RNF213: variants seen among roughly 807,000 people sequenced by gnomAD.
The protein encoded by RNF213 is E3 ubiquitin-protein ligase RNF213.
Under a neutral mutation model 514.4 loss-of-function variants are expected in RNF213, and 341 were observed. The ratio of observed to expected loss-of-function variants is 0.66; its 90% confidence interval spans 0.61 to 0.73. The LOEUF is 0.73. Among genes scored for constraint, RNF213 ranks in the 30% least tolerant of loss-of-function variants. The probability of loss-of-function intolerance (pLI) is 0.00; values close to 1 mark genes in which losing one functional copy is unlikely to be tolerated. For synonymous variants in RNF213, 2,655 were observed against 2,658.2 expected, an observed-to-expected ratio of 1.00 and a Z score of 0.04; for missense variants, 5,767 against 6,615.6, an observed-to-expected ratio of 0.87 and a Z score of 4.45.
At chr17:80,301,731 TC>T (rs1374816648) in intron 11 of RNF213, among the ~76,000 whole-genome samples, 2 of 152,160 alleles carry the variant, frequency 1.3e-5, no homozygotes, top group Admixed American at 1.3e-4. Context: ...GTATAAAGGT[TC>T]CTGAAGAAAC....
Position 80,358,354 on chromosome 17 carries a change from C to T in RNF213, c.10929C>T (p.Ile3643=), listed in dbSNP as rs779196613. 151 of 1,614,044 alleles carry T rather than the reference C, an allele frequency of 9.4e-5. 3 individuals are homozygous for T. The South Asian group carries it at 1.4e-3, about 15-fold the overall frequency. The change falls in exon 37 of 68, where the codon ATC becomes ATT. Residue 3643 remains isoleucine (I), a synonymous_variant. Transcript: ENST00000582970. ...TGCTGGCGAGCATGATATCATTCATCGACAGAGACGGCAACCTAGAGTTAC... is the reference window on the plus strand; with the variant it reads ...TGCTGGCGAGCATGATATCATTCATTGACAGAGACGGCAACCTAGAGTTAC... ...TPLLASMISF[I]DRDGNLELLT...
rs199684832 is a variant in RNF213 at position 80,354,550 on chromosome 17, C to G, written c.10836C>G (p.Asp3612Glu). ...TGGCAAGGGAAGCCTGCAACCAGGA[C>G]GCTCTCCAGGAGGCGGGCACATTCA... ...EWLAREACNQDALQEAGTFRH... is the reference protein window; with the variant it reads ...EWLAREACNQEALQEAGTFRH... The change falls in exon 36 of 68, where the codon GAC becomes GAG. Residue 3612 changes from aspartate (D) to glutamate (E), a missense_variant. Physicochemically the swap from Asp to Glu is conservative, Grantham distance 45. Transcript: ENST00000582970. The G allele has an allele frequency of 3.7e-6, 6 of 1,614,074 alleles. No individual in the cohort carries two copies. Among genetic ancestry groups the G allele is most frequent in the Non-Finnish European group, 5.1e-6 (6 of 1,180,052 alleles).
intron 11 of RNF213, among the ~76,000 whole-genome samples, chr17:80,303,781 G>A (rs985336410): frequency 6.6e-6 from 1 of 151,480 alleles, no homozygotes; most frequent in Non-Finnish European, 1.5e-5. Context: ...TGTTGGCCAG[G>A]CTGGTCTTGA....
Position 80,363,782 on chromosome 17 carries a change from G to A in RNF213, c.11742G>A (p.Arg3914=), listed in dbSNP as rs530989442. The part of the protein sequence containing the change: ...GSGSLAQAVI[R]EVRAQWSRIF... ...GGAGCCTGGCCCAGGCTGTCATCAG[G>A]GAAGTCAGGTGAGACCCAGGAGCCC... Residue 3914 remains arginine (R), a synonymous_variant, in exon 41 of 68, where the codon AGG becomes AGA. Coordinates refer to ENST00000582970, the MANE Select transcript of RNF213 (RefSeq NM_001256071.3). 24 of 1,613,198 alleles carry A rather than the reference G, an allele frequency of 1.5e-5. No individual in the cohort carries two copies. The South Asian group carries it at 2.5e-4, about 17-fold the overall frequency.
At chr17:80,279,145 G>A (rs1410256703) in intron 3 of RNF213, among the ~76,000 whole-genome samples, 1 of 152,218 alleles carries the variant, frequency 6.6e-6, no homozygotes, top group African/African-American at 2.4e-5. Context: ...TATTGTGCTT[G>A]CCCTTCTGGC....
At chr17:80,273,094 C>A in intron 2 of RNF213, 147 bp from the exon 3 acceptor site, 1 of 1,044,480 alleles carries the variant, frequency 9.6e-7, no homozygotes, top group Non-Finnish European at 1.5e-6. Context: ...AGAACCCCTA[C>A]CCTGCTCATG....
chr17:80,350,779 C>T (rs900792894), intron 31 of RNF213, among the ~76,000 whole-genome samples: 1 of 152,158 alleles, frequency 6.6e-6, no homozygotes, highest in Admixed American at 6.5e-5. Flanking sequence ...AGCCTAGGGG[C>T]CAGAGCAAGA....
rs144098631 is a variant in RNF213 at position 80,346,165 on chromosome 17, C to T, written c.7830C>T (p.Asn2610=). 3.5e-3 allele frequency: 5,720 copies of T among 1,614,168 alleles called. 53 individuals are homozygous for T. The highest frequency in any genetic ancestry group is 0.024 in the Middle Eastern group (147 of 6,062). ...RLVESISLDE[N]GTRVITEVLC... is the part of the protein sequence containing the mutation. ...TTGAGTCCATCAGCCTAGATGAAAA[C>T]GGGACTCGCGTGATCACAGAAGTCC... Residue 2610 remains asparagine (N), a synonymous_variant, in exon 29 of 68, where the codon AAC becomes AAT. Coordinates refer to ENST00000582970, the MANE Select transcript of RNF213 (RefSeq NM_001256071.3). This position sits in a 1 kb window ranked among gnomAD's most constrained non-coding sequence, Gnocchi z 8.1.
chr17:80,282,070 T>C (rs1387710594), intron 3 of RNF213, among the ~76,000 whole-genome samples: 1 of 152,068 alleles, frequency 6.6e-6, no homozygotes. Context: ...TTGGCTAGGC[T>C]GGTTTCAAGC....
intron 3 of RNF213, chr17:80,278,989 C>T: frequency 6.6e-7 from 1 of 1,511,036 alleles, no homozygotes; most frequent in Non-Finnish European, 8.9e-7. Context: ...CCACCTCGCA[C>T]TTCCGGCCCT....
At position 80,264,604 on chromosome 17, in the gene RNF213, A is replaced by ACCCC. The variant is rs1172528068; in HGVS notation, c.97+827_97+830dup. On this transcript the variant is annotated intron_variant, in intron 2 of 67. Coordinates refer to ENST00000582970, the MANE Select transcript of RNF213 (RefSeq NM_001256071.3). This position sits in a 1 kb window ranked among gnomAD's most constrained non-coding sequence, Gnocchi z 5.0. ...TCCAGCTGCTTCTATCGGACCCATC[A>ACCCC]CCCCGGGGCCCTCTCCTTCCTCCAT... 6.6e-6 allele frequency among the ~76,000 whole-genome samples: 1 copy of ACCCC among 151,354 alleles called. No homozygotes were observed. Among genetic ancestry groups the ACCCC allele is most frequent in the Non-Finnish European group, 1.5e-5 (1 of 67,830 alleles).
chr17:80,287,667 C>A, intron 3 of RNF213, 148 bp from the exon 4 acceptor site: 6 of 415,202 alleles, frequency 1.4e-5, no homozygotes, highest in East Asian at 1.3e-4. Context: ...TTCATTCTTT[C>A]CAGGAAATTG....
At chr17:80,325,588 G>A (rs1454152929) in intron 18 of RNF213, among the ~76,000 whole-genome samples, 1 of 152,080 alleles carries the variant, frequency 6.6e-6, no homozygotes, top group African/African-American at 2.4e-5. Flanking sequence ...TCCAGACCCA[G>A]GTATGTCTTA....
intron 3 of RNF213, chr17:80,278,897 C>T (rs1268124744): frequency 6.5e-7 from 1 of 1,537,042 alleles, no homozygotes; most frequent in African/African-American, 1.4e-5. Flanking sequence ...GTGCCTTCTG[C>T]AGACTGTGAG....
chr17:80,274,969 G>GT (rs1555639151), intron 3 of RNF213, among the ~76,000 whole-genome samples: 1 of 55,448 alleles, frequency 1.8e-5, no homozygotes, highest in African/African-American at 1.0e-4. Context: ...TGTGTGTTGG[G>GT]GTGTGTGTGT....
In RNF213 at chr17:80,396,297, A is replaced by G. The variant is rs1599236631; in HGVS notation, c.*2799A>G. 1.3e-5 allele frequency: 2 copies of G among 152,040 alleles called. No homozygotes were observed. Among genetic ancestry groups the G allele is most frequent in the Admixed American group, 1.3e-4 (2 of 15,274 alleles). 9.4% of individuals were successfully genotyped at this position (152,040 alleles called of 1,614,324 possible). ...AAAATAAGGACCTTATTGTGTGTGC[A>G]AATTATTTGCCTTTCATGAATAGTT... is the stretch of plus-strand genomic sequence containing the variant. On this transcript the variant is annotated 3_prime_UTR_variant, in exon 68 of 68. Coordinates refer to ENST00000582970, the MANE Select transcript of RNF213 (RefSeq NM_001256071.3).
At chr17:80,344,440 G>C (rs1312223175) in intron 28 of RNF213, among the ~76,000 whole-genome samples, 2 of 152,210 alleles carry the variant, frequency 1.3e-5, no homozygotes, top group Non-Finnish European at 2.9e-5. Context: ...GAGAAACTTA[G>C]TTTCAGGAAG....
intron 17 of RNF213, among the ~76,000 whole-genome samples, chr17:80,322,145 T>TA: frequency 1.1e-5 from 1 of 88,686 alleles, no homozygotes; most frequent in Non-Finnish European, 2.1e-5. Flanking sequence ...TTGCCCCTCA[T>TA]CCCCCCCACC....
chr17:80,280,001 T>C (rs1427924392), intron 3 of RNF213, among the ~76,000 whole-genome samples: 1 of 152,124 alleles, frequency 6.6e-6, no homozygotes, highest in Admixed American at 6.5e-5. Context: ...ATCGAGATGG[T>C]CATGTGTTCA....
Sources: allele counts gnomAD v4.1 joint callset (sites outside exome capture counted in the v4.1 genomes callset), GRCh38; gene constraint gnomAD v4.1.1; non-coding constraint Gnocchi (gnomAD v3.1); transcripts MANE v1.5; gene names NCBI Gene and HGNC (gene_info 2026-07-23, HGNC 2026-07-21).